Variants in DPP6 observed in about 807,000 individuals in gnomAD.
DPP6 encodes dipeptidyl peptidase like 6.
DPP6 carries 69 observed loss-of-function variants against 122.6 expected under a neutral mutation model. The observed-to-expected ratio is 0.56, with a 90% CI of 0.46 to 0.69. The LOEUF (loss-of-function observed/expected upper bound fraction) is 0.69. Among genes scored for constraint, DPP6 ranks in the 30% least tolerant of loss-of-function variants. DPP6 has a pLI of 0.00. For synonymous variants in DPP6, 418 were observed against 433.1 expected, an observed-to-expected ratio of 0.97 and a Z score of 0.43; for missense variants, 928 against 1,116.9, an observed-to-expected ratio of 0.83 and a Z score of 2.41.
In DPP6 at chr7:154,439,834, G is replaced by A. The variant is rs148225065; in HGVS notation, c.244-6380G>A. Among the ~76,000 whole-genome samples the A allele has an allele frequency of 3.5e-4, 54 of 152,318 alleles. 1 individual carries two copies. The highest frequency in any genetic ancestry group is 1.3e-3 in the African/African-American group (53 of 41,576). The stretch of plus-strand genomic sequence containing the variant: ...CCCTCAGGCAGCAACATCAAGTCAT[G>A]TTATGTAAAATAGGCAACTTCAGAA... On this transcript the variant is annotated intron_variant, in intron 1 of 25. Transcript: ENST00000377770.
At chr7:154,522,018 G>T (rs746620159) in intron 3 of DPP6, among the ~76,000 whole-genome samples, 1 of 151,950 alleles carries the variant, frequency 6.6e-6, no homozygotes. Flanking sequence ...AGGCTGGAGT[G>T]CAGTGGCGCG....
intron 1 of DPP6, among the ~76,000 whole-genome samples, chr7:154,426,831 A>C (rs971884753): frequency 6.8e-6 from 1 of 146,898 alleles, no homozygotes; most frequent in African/African-American, 2.6e-5. Flanking sequence ...AAAAAAAAAA[A>C]CTGAGCCATA....
chr7:153,749,464 C>T, the DPP6 span, among the ~76,000 whole-genome samples: 1 of 152,110 alleles, frequency 6.6e-6, no homozygotes, highest in Non-Finnish European at 1.5e-5. This position sits in a 1 kb window ranked among gnomAD's most constrained non-coding sequence, Gnocchi z 4.1. Context: ...GGCGCTGGCG[C>T]TGGCTGCTGT....
intron 16 of DPP6, among the ~76,000 whole-genome samples, chr7:154,828,597 GC>G (rs1489223485): frequency 6.6e-6 from 1 of 152,140 alleles, no homozygotes; most frequent in African/African-American, 2.4e-5. Context: ...ATTCCAGCGG[GC>G]TACATTAAAC....
chr7:154,198,540 C>T (rs1798993676), intron 1 of DPP6, among the ~76,000 whole-genome samples: 1 of 152,084 alleles, frequency 6.6e-6, no homozygotes, highest in Admixed American at 6.5e-5. Context: ...TCTTGAACTC[C>T]TGACTTCAAA....
Position 154,785,006 on chromosome 7 carries a change from G to A in DPP6, c.1137-9073G>A, listed in dbSNP as rs1433437674. Among the ~76,000 whole-genome samples, 4 of 152,154 alleles carry A rather than the reference G, an allele frequency of 2.6e-5. No individual in the cohort carries two copies. In the East Asian group the frequency reaches 7.7e-4, roughly 29 times the overall value. The stretch of plus-strand genomic sequence containing the variant: ...CTTGGTCTGGTTGGAAGCATCTAGA[G>A]CGGCTGTGATCAGGTGTGTGGGGAA... On this transcript the variant is annotated intron_variant, in intron 10 of 25. Coordinates refer to ENST00000377770, the MANE Select transcript of DPP6 (RefSeq NM_130797.4).
intron 1 of DPP6, chr7:153,887,854 G>C (rs576131914): frequency 9.1e-7 from 1 of 1,098,538 alleles, no homozygotes; most frequent in Non-Finnish European, 1.2e-6. Flanking sequence ...CCCCATGCCC[G>C]CGCGCGGCGG....
intron 3 of DPP6, chr7:154,475,605 A>G (rs1306543564): frequency 3.2e-5 from 5 of 158,378 alleles, no homozygotes; most frequent in African/African-American, 1.2e-4. Context: ...TTTTAAAACA[A>G]CAGAACAAAA....
chr7:154,544,846 G>A (rs1414731928), intron 4 of DPP6, among the ~76,000 whole-genome samples: 1 of 152,188 alleles, frequency 6.6e-6, no homozygotes. Flanking sequence ...CAGGAGGAGT[G>A]GGTTGGTTCT....
In DPP6 at chr7:154,892,649, T is replaced by G. The variant is rs765121671; in HGVS notation, c.*169T>G. 7.4e-7 allele frequency: 1 copy of G among 1,349,074 alleles called. No individual in the cohort carries two copies. The highest frequency in any genetic ancestry group is 1.0e-6 in the Non-Finnish European group (1 of 975,358). The allele number at this position is 1,349,074 out of a possible 1,614,324, so 83.6% of individuals were successfully genotyped here. On this transcript the variant is annotated 3_prime_UTR_variant, in exon 26 of 26. Coordinates refer to ENST00000377770, the MANE Select transcript of DPP6 (RefSeq NM_130797.4). ...CAGTTTTGCTTGGGAAACAAGCTCCTTCCCCGGGGTCATCACTCACGGCCT... is the reference window on the plus strand; with the variant it reads ...CAGTTTTGCTTGGGAAACAAGCTCCGTCCCCGGGGTCATCACTCACGGCCT...
intron 1 of DPP6, among the ~76,000 whole-genome samples, chr7:153,952,795 G>A (rs1442269034): frequency 6.6e-6 from 1 of 152,162 alleles, no homozygotes; most frequent in African/African-American, 2.4e-5. Context: ...GATGACACAA[G>A]CATTCAGTTA....
chr7:154,573,549 C>A (rs975096080), intron 5 of DPP6, among the ~76,000 whole-genome samples: 3 of 152,174 alleles, frequency 2.0e-5, no homozygotes, highest in Non-Finnish European at 4.4e-5. Context: ...GGGATGAATT[C>A]CCGTGTCTCA....
chr7:154,099,348 A>G (rs1805572202), intron 1 of DPP6, among the ~76,000 whole-genome samples: 1 of 152,106 alleles, frequency 6.6e-6, no homozygotes, highest in South Asian at 2.1e-4. Context: ...GCAACAAAAA[A>G]CCTTGCCTTC....
At chr7:153,878,849 C>T in the DPP6 span, among the ~76,000 whole-genome samples, 2 of 150,796 alleles carry the variant, frequency 1.3e-5, no homozygotes, top group African/African-American at 2.4e-5. Flanking sequence ...GAAAATAGCA[C>T]GAAAAAATCT....
chr7:154,010,589 G>T (rs546274007), intron 1 of DPP6, among the ~76,000 whole-genome samples: 46 of 152,340 alleles, frequency 3.0e-4, no homozygotes, highest in Non-Finnish European at 5.6e-4. Context: ...TTTGTTCTCA[G>T]TGTCTACCTT....
chr7:154,577,874 GAAC>G (rs1831785807), intron 5 of DPP6, among the ~76,000 whole-genome samples: 1 of 152,196 alleles, frequency 6.6e-6, no homozygotes, highest in African/African-American at 2.4e-5. Flanking sequence ...CAGGCCTTCT[GAAC>G]AACAATTAAG....
intron 7 of DPP6, among the ~76,000 whole-genome samples, chr7:154,713,751 G>A (rs1704182950): frequency 6.6e-6 from 1 of 152,166 alleles, no homozygotes; most frequent in South Asian, 2.1e-4. Context: ...GACCTGTGAT[G>A]GGAGGGGCTG....
intron 1 of DPP6, among the ~76,000 whole-genome samples, chr7:154,157,962 TATATATATGTATATAAATATATATAC>T (rs1563259366): frequency 6.8e-6 from 1 of 148,146 alleles, no homozygotes; most frequent in Non-Finnish European, 1.5e-5. Context: ...TATATGTACA[TATATATATGTATATAAATATATATAC>T]ATATATATTT....
intron 1 of DPP6, among the ~76,000 whole-genome samples, chr7:154,405,326 T>C (rs572244346): frequency 6.6e-6 from 1 of 152,328 alleles, no homozygotes; most frequent in East Asian, 1.9e-4. Context: ...AGTTTCCCAA[T>C]ACTAGGTAAA....
Sources: allele counts gnomAD v4.1 joint callset (sites outside exome capture counted in the v4.1 genomes callset), GRCh38; gene constraint gnomAD v4.1.1; non-coding constraint Gnocchi (gnomAD v3.1); transcripts MANE v1.5; gene names NCBI Gene and HGNC (gene_info 2026-07-23, HGNC 2026-07-21).